The following PDGFC variants were observed in gnomAD, a reference collection of about 807,000 sequenced individuals.
The protein encoded by PDGFC is platelet derived growth factor C.
PDGFC carries 12 observed loss-of-function variants against 35.5 expected under a neutral mutation model. That is an observed-to-expected ratio of 0.34 (90% CI 0.22 to 0.55). PDGFC has a LOEUF of 0.55. Ranked by LOEUF, PDGFC falls within the 20% of genes least tolerant of loss-of-function variation. The probability of loss-of-function intolerance (pLI) is 0.91; values close to 1 mark genes in which losing one functional copy is unlikely to be tolerated. For synonymous variants in PDGFC, 159 were observed against 148.8 expected, an observed-to-expected ratio of 1.07 and a Z score of -0.50; for missense variants, 322 against 412.4, an observed-to-expected ratio of 0.78 and a Z score of 1.90.
At chr4:156,916,657 C>A (rs1731162211) in intron 1 of PDGFC, among the ~76,000 whole-genome samples, 1 of 152,124 alleles carries the variant, frequency 6.6e-6, no homozygotes, top group Admixed American at 6.5e-5. Context: ...GGTTCCCTAC[C>A]CAAGGCCACT....
intron 1 of PDGFC, among the ~76,000 whole-genome samples, chr4:156,948,488 C>G (rs1229048568): frequency 6.6e-6 from 1 of 151,862 alleles, no homozygotes; most frequent in African/African-American, 2.4e-5. Context: ...ACCTCCTAGG[C>G]TTCTAAAAAA....
intron 1 of PDGFC, among the ~76,000 whole-genome samples, chr4:156,943,000 AT>A (rs1731846096): frequency 6.6e-6 from 1 of 152,084 alleles, no homozygotes; most frequent in African/African-American, 2.4e-5. Flanking sequence ...ATTAGTAGTC[AT>A]TTAATCTGAT....
intron 1 of PDGFC, among the ~76,000 whole-genome samples, chr4:156,886,427 A>C (rs576396015): frequency 2.0e-5 from 3 of 152,336 alleles, no homozygotes; most frequent in Admixed American, 2.0e-4. Flanking sequence ...TGTGTGCTTA[A>C]AACAAAATAA....
intron 4 of PDGFC, 97 bp downstream of exon 4, chr4:156,772,589 A>G: frequency 1.4e-6 from 1 of 710,864 alleles, no homozygotes; most frequent in Non-Finnish European, 2.4e-6. Flanking sequence ...TCACTGATGA[A>G]TTTTAAACTC....
chr4:156,826,022 C>T lies in PDGFC; in HGVS notation c.315-15005G>A, dbSNP rs182043696. On this transcript the variant is annotated intron_variant, in intron 2 of 5. Coordinates refer to ENST00000502773, the MANE Select transcript of PDGFC (RefSeq NM_016205.3). Reference sequence around the variant, plus strand: ...TAGCTGGGACTACAGGTACACACTACCAGGCCAGGTTAATTTTTCAAATTT... The same window carrying T: ...TAGCTGGGACTACAGGTACACACTATCAGGCCAGGTTAATTTTTCAAATTT... Among the ~76,000 whole-genome samples the T allele has an allele frequency of 5.9e-4, 89 of 151,288 alleles. No homozygotes were observed. In the East Asian group the frequency reaches 0.012, roughly 20 times the overall value.
chr4:156,907,341 T>C (rs1415745068), intron 1 of PDGFC, among the ~76,000 whole-genome samples: 2 of 151,988 alleles, frequency 1.3e-5, no homozygotes, highest in Non-Finnish European at 2.9e-5. Flanking sequence ...AACAAATGAG[T>C]GAGATTACAT....
chr4:156,914,641 G>T (rs1731116055), intron 1 of PDGFC, among the ~76,000 whole-genome samples: 1 of 152,102 alleles, frequency 6.6e-6, no homozygotes, highest in Non-Finnish European at 1.5e-5. Context: ...CCATGTGTTG[G>T]TAGCCGAAAG....
At chr4:156,802,063 T>C (rs992192784) in intron 3 of PDGFC, among the ~76,000 whole-genome samples, 5 of 152,238 alleles carry the variant, frequency 3.3e-5, no homozygotes, top group Non-Finnish European at 5.9e-5. Flanking sequence ...GGTTACTATA[T>C]ACTCCCTCTT....
intron 1 of PDGFC, among the ~76,000 whole-genome samples, chr4:156,913,886 T>A (rs949375871): frequency 6.6e-6 from 1 of 152,200 alleles, no homozygotes; most frequent in Non-Finnish European, 1.5e-5. Context: ...TGCCCTTTGC[T>A]GCTGTCTGCT....
chr4:156,924,914 G>A (rs1260414636), intron 1 of PDGFC, among the ~76,000 whole-genome samples: 1 of 152,216 alleles, frequency 6.6e-6, no homozygotes, highest in Non-Finnish European at 1.5e-5. Context: ...GCCAGGAAGA[G>A]ACAGGATGCA....
At chr4:156,887,999 T>C (rs990727166) in intron 1 of PDGFC, among the ~76,000 whole-genome samples, 4 of 138,972 alleles carry the variant, frequency 2.9e-5, no homozygotes, top group Non-Finnish European at 4.6e-5. Context: ...TGAAACCCCG[T>C]CTTAAAAAAA....
At chr4:156,940,571 A>G (rs1426039230) in intron 1 of PDGFC, among the ~76,000 whole-genome samples, 1 of 152,108 alleles carries the variant, frequency 6.6e-6, no homozygotes, top group African/African-American at 2.4e-5. Context: ...AAAGGAAGAG[A>G]TCTGTGCCTT....
chr4:156,806,043 C>T (rs7695801), intron 3 of PDGFC, among the ~76,000 whole-genome samples: 9,657 of 152,092 alleles, frequency 0.063, 1,014 homozygotes, highest in African/African-American at 0.22. Flanking sequence ...ATAATACTTA[C>T]ATACTATACT....
chr4:156,853,955 C>T (rs1402207301), intron 1 of PDGFC, among the ~76,000 whole-genome samples: 3 of 152,040 alleles, frequency 2.0e-5, no homozygotes, highest in African/African-American at 7.2e-5. Context: ...AGAGCAAGAC[C>T]TTGCCTCAAA....
At chr4:156,958,765 CA>C (rs1431447876) in intron 1 of PDGFC, among the ~76,000 whole-genome samples, 1 of 152,050 alleles carries the variant, frequency 6.6e-6, no homozygotes, top group African/African-American at 2.4e-5. Context: ...GCACAATCAT[CA>C]TACCCAATTT....
chr4:156,922,342 T>C (rs1731305796), intron 1 of PDGFC, among the ~76,000 whole-genome samples: 2 of 152,232 alleles, frequency 1.3e-5, no homozygotes, highest in African/African-American at 2.4e-5. Flanking sequence ...CATTCATTCA[T>C]TCAATGGCTA....
At chr4:156,812,001 T>C (rs1731945415) in intron 2 of PDGFC, among the ~76,000 whole-genome samples, 1 of 152,100 alleles carries the variant, frequency 6.6e-6, no homozygotes, top group African/African-American at 2.4e-5. Flanking sequence ...CTACAGTTCA[T>C]CTAACTATAA....
intron 3 of PDGFC, among the ~76,000 whole-genome samples, chr4:156,790,893 T>A (rs747170095): frequency 2.2e-4 from 33 of 152,192 alleles, no homozygotes; most frequent in Admixed American, 2.6e-4. Flanking sequence ...TTTTTATTAC[T>A]CCACATGATC....
chr4:156,842,202 C>A (rs866660021), intron 2 of PDGFC: 7 of 152,074 alleles, frequency 4.6e-5, no homozygotes, highest in Non-Finnish European at 8.8e-5. Flanking sequence ...ACAGCTTGTG[C>A]TCTGGGGCAA....
Sources: allele counts gnomAD v4.1 joint callset (sites outside exome capture counted in the v4.1 genomes callset), GRCh38; gene constraint gnomAD v4.1.1; transcripts MANE v1.5; gene names NCBI Gene and HGNC (gene_info 2026-07-23, HGNC 2026-07-21).